IL1RAPL2: variants seen among roughly 807,000 people sequenced by gnomAD.
IL1RAPL2 encodes the protein interleukin 1 receptor accessory protein like 2, also known as X-linked interleukin-1 receptor accessory protein-like 2.
Under a neutral mutation model 44.1 loss-of-function variants are expected in IL1RAPL2, and 3 were observed. That is an observed-to-expected ratio of 0.07 (90% CI 0.03 to 0.18). IL1RAPL2 has a LOEUF of 0.18. Among genes scored for constraint, IL1RAPL2 ranks in the 10% least tolerant of loss-of-function variants. The probability of loss-of-function intolerance (pLI) is 1.00; values close to 1 mark genes in which losing one functional copy is unlikely to be tolerated. For missense variants in IL1RAPL2, 391 were observed against 496.4 expected, an observed-to-expected ratio of 0.79 and a Z score of 2.02; for synonymous variants, 181 against 178.8, an observed-to-expected ratio of 1.01 and a Z score of -0.10.
intron 7 of IL1RAPL2, among the ~76,000 whole-genome samples, chrX:105,732,229 T>C (rs1233181815): frequency 9.0e-6 from 1 of 111,194 alleles, no homozygotes; most frequent in Non-Finnish European, 1.9e-5. Context: ...GAGCATTTTA[T>C]ATTATTCTAT....
At chrX:104,965,089 G>A (rs778974447) in intron 2 of IL1RAPL2, among the ~76,000 whole-genome samples, 58 of 112,010 alleles carry the variant, frequency 5.2e-4, no homozygotes, top group African/African-American at 1.8e-3. Context: ...TAAACTTGCA[G>A]TTGCCCTGGG....
chrX:104,613,430 G>T (rs776109403), intron 1 of IL1RAPL2, among the ~76,000 whole-genome samples: 1 of 111,762 alleles, frequency 8.9e-6, no homozygotes, highest in African/African-American at 3.2e-5. Flanking sequence ...TGATCATATG[G>T]TTTTTGTTTT....
chrX:105,712,224 G>T (rs2038216788), intron 6 of IL1RAPL2, among the ~76,000 whole-genome samples: 1 of 111,841 alleles, frequency 8.9e-6, no homozygotes, highest in Non-Finnish European at 1.9e-5. Flanking sequence ...CACAACTCTT[G>T]CATTTTGCAA....
At chrX:105,524,491 T>C in intron 6 of IL1RAPL2, among the ~76,000 whole-genome samples, 1 of 109,692 alleles carries the variant, frequency 9.1e-6, no homozygotes, top group Non-Finnish European at 1.9e-5. Context: ...AAGGTGTGTT[T>C]AAGCTACTTA....
intron 2 of IL1RAPL2, among the ~76,000 whole-genome samples, chrX:104,922,850 G>C (rs1924678493): frequency 1.8e-5 from 2 of 111,586 alleles, no homozygotes; most frequent in Non-Finnish European, 3.8e-5. Context: ...AAGAATTCAA[G>C]GTATGGATTT....
intron 2 of IL1RAPL2, among the ~76,000 whole-genome samples, chrX:105,075,663 A>G (rs1407615119): frequency 8.9e-6 from 1 of 111,831 alleles, no homozygotes; most frequent in East Asian, 2.8e-4. Context: ...CTGTGAATCC[A>G]TCTGGTCCTG....
At chrX:105,267,576 G>A in intron 5 of IL1RAPL2, 35 bp downstream of exon 5, 3 of 1,091,177 alleles carry the variant, frequency 2.7e-6, no homozygotes, top group Non-Finnish European at 3.7e-6. Flanking sequence ...CGGCAAATGA[G>A]ATTTTAAGTA....
chrX:105,268,140 T>TCATC (rs1281480479), intron 5 of IL1RAPL2, among the ~76,000 whole-genome samples: 5 of 111,703 alleles, frequency 4.5e-5, no homozygotes, highest in Non-Finnish European at 9.4e-5. Context: ...GAAGTAATTT[T>TCATC]CAGAGACATA....
intron 6 of IL1RAPL2, among the ~76,000 whole-genome samples, chrX:105,524,286 A>G (rs1028620809): frequency 6.3e-5 from 7 of 111,195 alleles, no homozygotes; most frequent in Non-Finnish European, 1.1e-4. Context: ...TATTCAATCT[A>G]TCACAACATT....
chrX:104,729,576 G>A (rs1390989938), intron 2 of IL1RAPL2, among the ~76,000 whole-genome samples: 1 of 108,005 alleles, frequency 9.3e-6, no homozygotes, highest in Admixed American at 1.0e-4. Flanking sequence ...CATGTCATGA[G>A]GGCATGTTGT....
chrX:104,988,489 A>G (rs1484592968), intron 2 of IL1RAPL2, among the ~76,000 whole-genome samples: 1 of 111,939 alleles, frequency 8.9e-6, no homozygotes, highest in Non-Finnish European at 1.9e-5. Context: ...GGAACTCTAG[A>G]ATTCATTTTA....
intron 2 of IL1RAPL2, among the ~76,000 whole-genome samples, chrX:104,669,084 G>A (rs1401495914): frequency 1.8e-5 from 2 of 111,239 alleles, no homozygotes; most frequent in Admixed American, 9.6e-5. Context: ...TTTTACCTTT[G>A]GCACTCCCCC....
intron 2 of IL1RAPL2, among the ~76,000 whole-genome samples, chrX:105,152,948 T>C (rs1464680279): frequency 8.9e-6 from 1 of 112,604 alleles, no homozygotes; most frequent in Non-Finnish European, 1.9e-5. Flanking sequence ...ACACTATTGT[T>C]CAGTGTAAAT....
intron 5 of IL1RAPL2, among the ~76,000 whole-genome samples, chrX:105,328,878 A>G (rs2034962867): frequency 8.9e-6 from 1 of 112,004 alleles, no homozygotes; most frequent in Non-Finnish European, 1.9e-5. Context: ...CATGTAGTCT[A>G]ATTATGTAGT....
At chrX:104,713,545 G>C (rs7066529) in intron 2 of IL1RAPL2, among the ~76,000 whole-genome samples, 5,925 of 110,685 alleles carry the variant, frequency 0.054, 412 homozygotes, top group African/African-American at 0.19. Flanking sequence ...GGGTTTGGTT[G>C]AATTCAAGTT....
At chrX:105,378,913 C>A (rs1250723368) in intron 5 of IL1RAPL2, among the ~76,000 whole-genome samples, 1 of 111,905 alleles carries the variant, frequency 8.9e-6, no homozygotes, top group Non-Finnish European at 1.9e-5. Context: ...GTATGGGATG[C>A]AAAGTCAAGA....
intron 6 of IL1RAPL2, among the ~76,000 whole-genome samples, chrX:105,702,376 G>A (rs754423727): frequency 5.4e-5 from 6 of 111,225 alleles, no homozygotes; most frequent in Non-Finnish European, 9.4e-5. Context: ...AATTAAAGTC[G>A]ACTTAAGCAT....
intron 5 of IL1RAPL2, among the ~76,000 whole-genome samples, chrX:105,349,089 G>T (rs1364415752): frequency 8.9e-6 from 1 of 112,149 alleles, no homozygotes; most frequent in East Asian, 2.8e-4. Flanking sequence ...GGTACATATT[G>T]AAAATTTTAA....
chrX:104,582,596 T>TTCTTTCTTTCTTTCTTTC (rs1387907561), intron 1 of IL1RAPL2, among the ~76,000 whole-genome samples: 14 of 52,186 alleles, frequency 2.7e-4, no homozygotes, highest in African/African-American at 8.2e-4. Flanking sequence ...CTTTCTTTCT[T>TTCTTTCTTTCTTTCTTTC]TTTCTTTCTT....
Sources: allele counts gnomAD v4.1 joint callset (sites outside exome capture counted in the v4.1 genomes callset), GRCh38; gene constraint gnomAD v4.1.1; transcripts MANE v1.5; gene names NCBI Gene and HGNC (gene_info 2026-07-23, HGNC 2026-07-21).